Variants in HDGFL3 observed in about 807,000 individuals in gnomAD.
HDGFL3 encodes HDGF like 3.
Under a neutral mutation model 27.6 loss-of-function variants are expected in HDGFL3, and 6 were observed. The observed-to-expected ratio is 0.22, with a 90% CI of 0.12 to 0.43. The LOEUF (loss-of-function observed/expected upper bound fraction) is 0.43. Among genes scored for constraint, HDGFL3 ranks in the 20% least tolerant of loss-of-function variants. HDGFL3 has a pLI of 1.00. For missense variants in HDGFL3, 207 were observed against 250.1 expected (o/e 0.83, Z 1.16); for synonymous variants, 88 against 88.9 (o/e 0.99, Z 0.05).
At position 83,137,076 on chromosome 15, in the gene HDGFL3, T is replaced by C. The variant is rs2036658520; in HGVS notation, c.*2194A>G. 1 of 153,170 alleles carries C rather than the reference T, an allele frequency of 6.5e-6. No individual in the cohort carries two copies. Among genetic ancestry groups the C allele is most frequent in the Admixed American group, 6.5e-5 (1 of 15,328 alleles). The allele number at this position is 153,170 out of a possible 1,614,324, so 9.5% of individuals were successfully genotyped here. On this transcript the variant is annotated 3_prime_UTR_variant, in exon 6 of 6. Coordinates refer to ENST00000299633, the MANE Select transcript of HDGFL3 (RefSeq NM_016073.4). ...GAATGCAGACTGGAGGAGTAACTTT[T>C]GCAAATAAGATGAATATGCTTCATT... is the stretch of plus-strand genomic sequence containing the variant.
Position 83,128,958 on chromosome 15 carries a change from G to C in HDGFL3, c.*10312C>G, listed in dbSNP as rs2036003867. 6.6e-6 allele frequency: 1 copy of C among 152,168 alleles called. No homozygotes were observed. Among genetic ancestry groups the C allele is most frequent in the African/African-American group, 2.4e-5 (1 of 41,410 alleles). 9.4% of individuals were successfully genotyped at this position (152,168 alleles called of 1,614,324 possible). A position where few individuals can be genotyped will look rare whatever the true frequency, so the allele number is the denominator to read the frequency against. On this transcript the variant is annotated 3_prime_UTR_variant, in exon 6 of 6. Transcript: ENST00000299633. Reference sequence around the variant, plus strand: ...CAATCCTCCTGCCTCTGTCTCCAGAGTAGCTGGGACTACAGACATACACCA... The same window carrying C: ...CAATCCTCCTGCCTCTGTCTCCAGACTAGCTGGGACTACAGACATACACCA...
At chr15:83,201,431 A>G (rs2037645115) in intron 1 of HDGFL3, among the ~76,000 whole-genome samples, 1 of 152,178 alleles carries the variant, frequency 6.6e-6, no homozygotes, top group South Asian at 2.1e-4. Context: ...ACCTTTTTGT[A>G]GTGGATGAAT....
chr15:83,187,039 A>G (rs2037451637), intron 1 of HDGFL3, among the ~76,000 whole-genome samples: 1 of 152,204 alleles, frequency 6.6e-6, no homozygotes, highest in Admixed American at 6.5e-5. Flanking sequence ...TTTACTTTAA[A>G]AAATTAGTTA....
rs2036382300 is a variant in HDGFL3 at position 83,133,302 on chromosome 15, T to A, written c.*5968A>T. 1 of 152,234 alleles carries A rather than the reference T, an allele frequency of 6.6e-6. No individual in the cohort carries two copies. Among genetic ancestry groups the A allele is most frequent in the Non-Finnish European group, 1.5e-5 (1 of 68,032 alleles). 9.4% of individuals were successfully genotyped at this position (152,234 alleles called of 1,614,324 possible). A position where few individuals can be genotyped will look rare whatever the true frequency, so the allele number is the denominator to read the frequency against. On this transcript the variant is annotated 3_prime_UTR_variant, in exon 6 of 6. Coordinates refer to ENST00000299633, the MANE Select transcript of HDGFL3 (RefSeq NM_016073.4). ...TATCATCCCAATGGTCACCTAAGTT[T>A]TCTGCCTATAACATTCACATGGACA...
chr15:83,178,797 T>C (rs2037345357), intron 1 of HDGFL3, among the ~76,000 whole-genome samples: 1 of 152,226 alleles, frequency 6.6e-6, no homozygotes, highest in Admixed American at 6.5e-5. Context: ...TTCTCAGATG[T>C]CTATGCTCCT....
intron 5 of HDGFL3, chr15:83,144,647 T>C (rs1171901815): frequency 2.5e-6 from 1 of 399,486 alleles, no homozygotes. Context: ...AGCTGAATCC[T>C]GCCAGGAACA....
chr15:83,202,881 C>G (rs2037665684), intron 1 of HDGFL3, among the ~76,000 whole-genome samples: 1 of 152,052 alleles, frequency 6.6e-6, no homozygotes, highest in African/African-American at 2.4e-5. Flanking sequence ...TGTGAATATA[C>G]TACAAATTTG....
chr15:83,157,586 A>G lies in HDGFL3; in HGVS notation c.301-13T>C. On this transcript the variant is annotated splice_polypyrimidine_tract_variant and intron_variant, in intron 3 of 5. Coordinates refer to ENST00000299633, the MANE Select transcript of HDGFL3 (RefSeq NM_016073.4). The stretch of plus-strand genomic sequence containing the variant: ...GTTGCTGAATTGCCTAAGAAATAAT[A>G]AAATATTAGCTGATTACATTTTTGA... 6.2e-7 allele frequency: 1 copy of G among 1,604,118 alleles called. No homozygotes were observed. Among genetic ancestry groups the G allele is most frequent in the Non-Finnish European group, 8.5e-7 (1 of 1,175,014 alleles).
intron 1 of HDGFL3, among the ~76,000 whole-genome samples, chr15:83,175,931 G>C (rs2037304671): frequency 6.6e-6 from 1 of 152,200 alleles, no homozygotes; most frequent in Admixed American, 6.5e-5. Flanking sequence ...ACACTGGACA[G>C]ATGAGACAGA....
chr15:83,187,617 G>A (rs2037460753), intron 1 of HDGFL3, among the ~76,000 whole-genome samples: 2 of 152,124 alleles, frequency 1.3e-5, no homozygotes, highest in Admixed American at 1.3e-4. Context: ...GGCCGGGCGT[G>A]GTGGCTCACG....
At chr15:83,170,842 C>G (rs2037236446) in intron 1 of HDGFL3, among the ~76,000 whole-genome samples, 1 of 135,688 alleles carries the variant, frequency 7.4e-6, no homozygotes, top group Non-Finnish European at 1.6e-5. Flanking sequence ...GTGTAATATC[C>G]AGAATCTATA....
intron 5 of HDGFL3, among the ~76,000 whole-genome samples, chr15:83,150,216 A>G (rs1016632182): frequency 6.6e-6 from 1 of 152,198 alleles, no homozygotes; most frequent in Non-Finnish European, 1.5e-5. Context: ...AGTTGTTGCT[A>G]CTTGCATATT....
intron 4 of HDGFL3, among the ~76,000 whole-genome samples, chr15:83,152,990 CT>C (rs920789734): frequency 0.094 from 10,647 of 113,270 alleles, 1,180 homozygotes; most frequent in African/African-American, 0.29. Flanking sequence ...ATACGCAGTT[CT>C]TTTTTTTTTT....
Position 83,190,422 on chromosome 15 carries a change from T to TA in HDGFL3, c.84+16908_84+16909insT, listed in dbSNP as rs2037497847. Reference sequence around the variant, plus strand: ...AGGGGTTGGACCAGTATATACTTCTTCAGTATTGTATAAGAGTTTCTGTTC... The same window carrying TA: ...AGGGGTTGGACCAGTATATACTTCTTACAGTATTGTATAAGAGTTTCTGTTC... On this transcript the variant is annotated intron_variant, in intron 1 of 5. Transcript: ENST00000299633. Among the ~76,000 whole-genome samples the TA allele has an allele frequency of 2.0e-5, 3 of 152,282 alleles. No individual in the cohort carries two copies. In the South Asian group the frequency reaches 6.2e-4, roughly 32 times the overall value.
intron 1 of HDGFL3, among the ~76,000 whole-genome samples, chr15:83,191,059 T>C (rs2037505452): frequency 6.6e-6 from 1 of 152,226 alleles, no homozygotes; most frequent in South Asian, 2.1e-4. Flanking sequence ...TTGAATTCCA[T>C]ATCAAGAATT....
chr15:83,142,475 G>A (rs1397901918), intron 5 of HDGFL3, among the ~76,000 whole-genome samples: 1 of 152,110 alleles, frequency 6.6e-6, no homozygotes, highest in African/African-American at 2.4e-5. Context: ...GCTAAATAAT[G>A]AGAACTCATG....
At position 83,207,070 on chromosome 15, in the gene HDGFL3, G is replaced by T. The variant is rs573920084; in HGVS notation, c.84+261C>A. ...GTCGGCACCGGCTTTCCAGGAGGAA[G>T]GCAGCGTCGGGCCTGCGGGGGCCGG... On this transcript the variant is annotated intron_variant, in intron 1 of 5. Coordinates refer to ENST00000299633, the MANE Select transcript of HDGFL3 (RefSeq NM_016073.4). This position sits in a 1 kb window ranked among gnomAD's most constrained non-coding sequence, Gnocchi z 4.8. Among the ~76,000 whole-genome samples, 1 of 152,214 alleles carries T rather than the reference G, an allele frequency of 6.6e-6. No individual in the cohort carries two copies. Among genetic ancestry groups the T allele is most frequent in the Non-Finnish European group, 1.5e-5 (1 of 68,030 alleles).
intron 1 of HDGFL3, among the ~76,000 whole-genome samples, chr15:83,173,126 G>T (rs2037266944): frequency 6.6e-6 from 1 of 152,104 alleles, no homozygotes; most frequent in South Asian, 2.1e-4. Context: ...TTTTCTCTTG[G>T]TTTCCACAGT....
intron 5 of HDGFL3, among the ~76,000 whole-genome samples, chr15:83,143,014 C>T (rs1412569573): frequency 6.6e-6 from 1 of 151,568 alleles, no homozygotes; most frequent in Non-Finnish European, 1.5e-5. Context: ...TCTTTGGGGC[C>T]CTTAATAACT....
Sources: allele counts gnomAD v4.1 joint callset (sites outside exome capture counted in the v4.1 genomes callset), GRCh38; gene constraint gnomAD v4.1.1; non-coding constraint Gnocchi (gnomAD v3.1); transcripts MANE v1.5; gene names NCBI Gene and HGNC (gene_info 2026-07-23, HGNC 2026-07-21).